Variants in FAM3D observed in about 807,000 individuals in gnomAD.
The protein encoded by FAM3D is FAM3 metabolism regulating signaling molecule D.
FAM3D carries 26 observed loss-of-function variants against 29.8 expected under a neutral mutation model. That is an observed-to-expected ratio of 0.87 (90% CI 0.64 to 1.21). FAM3D has a LOEUF of 1.21. Among genes scored for constraint, FAM3D ranks in the 50% most tolerant of loss-of-function variants. The probability of loss-of-function intolerance (pLI) is 0.00; values close to 1 mark genes in which losing one functional copy is unlikely to be tolerated. For synonymous variants in FAM3D, 115 were observed against 102.3 expected (o/e 1.12, Z -0.75); for missense variants, 253 against 290.9 (o/e 0.87, Z 0.95).
At chr3:58,664,412 C>A (rs1004496524) in intron 1 of FAM3D, among the ~76,000 whole-genome samples, 1 of 81,082 alleles carries the variant, frequency 1.2e-5, no homozygotes, top group East Asian at 7.2e-4. Flanking sequence ...GAGACAGTGT[C>A]TAATCATTTC....
chr3:58,647,408 G>A (rs961814542), intron 4 of FAM3D, among the ~76,000 whole-genome samples: 5 of 152,186 alleles, frequency 3.3e-5, no homozygotes, highest in African/African-American at 1.2e-4. Context: ...ATGCTGGGGA[G>A]GGAAGCCAGG....
intron 1 of FAM3D, among the ~76,000 whole-genome samples, chr3:58,659,828 G>A (rs1478135296): frequency 6.6e-6 from 1 of 152,048 alleles, no homozygotes; most frequent in Non-Finnish European, 1.5e-5. Context: ...ATTTTTCTCC[G>A]AAGTAGAAGT....
chr3:58,641,859 G>A (rs2066343149), intron 6 of FAM3D, among the ~76,000 whole-genome samples: 1 of 152,178 alleles, frequency 6.6e-6, no homozygotes, highest in African/African-American at 2.4e-5. Context: ...CCTAGTCTGG[G>A]GCCATCTCAT....
intron 1 of FAM3D, among the ~76,000 whole-genome samples, chr3:58,657,100 T>C (rs932545940): frequency 2.6e-5 from 4 of 152,136 alleles, no homozygotes; most frequent in African/African-American, 9.7e-5. Context: ...GCTTCTTTTT[T>C]CCAGATAAAA....
At chr3:58,652,975 T>C (rs2066688356) in intron 3 of FAM3D, among the ~76,000 whole-genome samples, 1 of 92,116 alleles carries the variant, frequency 1.1e-5, no homozygotes, top group Non-Finnish European at 2.6e-5. Context: ...CATCCATCCA[T>C]CCGTTTTTTT....
Position 58,634,222 on chromosome 3 carries a change from T to C in FAM3D, c.*57A>G. On this transcript the variant is annotated 3_prime_UTR_variant, in exon 10 of 10. Transcript: ENST00000358781. The surrounding 1 kb of genome is among the most constrained non-coding windows in gnomAD (Gnocchi z 4.6). ...TCCTCAGCCCCTGCCGGGCTCTGACTCCTAAGTCAGGCAGGAGCTTCTTCA... is the reference window on the plus strand; with the variant it reads ...TCCTCAGCCCCTGCCGGGCTCTGACCCCTAAGTCAGGCAGGAGCTTCTTCA... The C allele has an allele frequency of 6.4e-7, 1 of 1,551,268 alleles. No individual in the cohort carries two copies. Among genetic ancestry groups the C allele is most frequent in the Non-Finnish European group, 8.8e-7 (1 of 1,131,968 alleles).
intron 2 of FAM3D, among the ~76,000 whole-genome samples, chr3:58,654,800 G>A (rs2066744146): frequency 6.6e-6 from 1 of 152,170 alleles, no homozygotes; most frequent in South Asian, 2.1e-4. Flanking sequence ...ATGCAGGTCT[G>A]TGGGGATCCC....
chr3:58,639,420 C>A (rs2066265380), intron 7 of FAM3D, among the ~76,000 whole-genome samples: 1 of 152,230 alleles, frequency 6.6e-6, no homozygotes, highest in Admixed American at 6.5e-5. Context: ...TCTCTGACAC[C>A]GGAGACTGGA....
intron 1 of FAM3D, among the ~76,000 whole-genome samples, chr3:58,661,672 A>G (rs1324819009): frequency 6.6e-6 from 1 of 152,144 alleles, no homozygotes; most frequent in East Asian, 1.9e-4. Flanking sequence ...GGGAGCGTGG[A>G]CACAGTCCTC....
intron 1 of FAM3D, among the ~76,000 whole-genome samples, chr3:58,656,453 C>G (rs1306603407): frequency 1.3e-5 from 2 of 152,106 alleles, no homozygotes; most frequent in African/African-American, 4.8e-5. Context: ...GGGTTGAAAC[C>G]AAAGTTTTCT....
rs764521717 is a variant in FAM3D at position 58,637,124 on chromosome 3, TAG to T, written c.458+15_458+16del. On this transcript the variant is annotated intron_variant, in intron 8 of 9. Transcript: ENST00000358781. ...TTGCATCACTGTGTGGCCTGGCAGGTAGAGTTTTCTACTTACTTGGTCCCTGG... is the reference window on the plus strand; with the variant it reads ...TTGCATCACTGTGTGGCCTGGCAGGTAGTTTTCTACTTACTTGGTCCCTGG... 6.0e-5 allele frequency: 97 copies of T among 1,609,126 alleles called. No homozygotes were observed. Among genetic ancestry groups the T allele is most frequent in the African/African-American group, 1.3e-4 (10 of 74,770 alleles).
intron 3 of FAM3D, among the ~76,000 whole-genome samples, chr3:58,651,186 C>T (rs908151073): frequency 6.6e-6 from 1 of 152,166 alleles, no homozygotes; most frequent in Admixed American, 6.5e-5. Context: ...CTCCAACAGA[C>T]TGTGTTATTA....
intron 3 of FAM3D, among the ~76,000 whole-genome samples, chr3:58,650,158 G>A (rs1370378020): frequency 6.6e-6 from 1 of 152,196 alleles, no homozygotes; most frequent in African/African-American, 2.4e-5. Flanking sequence ...TGGAGGACAG[G>A]GCCTCCAGAG....
intron 6 of FAM3D, among the ~76,000 whole-genome samples, chr3:58,641,449 C>G (rs2066332232): frequency 6.6e-6 from 1 of 152,040 alleles, no homozygotes; most frequent in Admixed American, 6.5e-5. Context: ...CAACCTCGAC[C>G]TCCCAGGCTC....
In FAM3D at chr3:58,634,140, C is replaced by CG. The variant is rs1041523836; in HGVS notation, c.*138dup. 2.2e-5 allele frequency: 15 copies of CG among 685,228 alleles called. No individual in the cohort carries two copies. The highest frequency in any genetic ancestry group is 3.4e-5 in the Non-Finnish European group (14 of 407,268). 42.4% of individuals were successfully genotyped at this position (685,228 alleles called of 1,614,324 possible). ...GGGTTCTGTTTCCGAGGAGGAGAGG[C>CG]GCGACACAGCGTGCAAGGACCTGCA... On this transcript the variant is annotated 3_prime_UTR_variant, in exon 10 of 10. Coordinates refer to ENST00000358781, the MANE Select transcript of FAM3D (RefSeq NM_138805.3). The surrounding 1 kb of genome is among the most constrained non-coding windows in gnomAD (Gnocchi z 4.6).
At chr3:58,664,806 G>C (rs1216190268) in intron 1 of FAM3D, among the ~76,000 whole-genome samples, 2 of 152,220 alleles carry the variant, frequency 1.3e-5, no homozygotes, top group Non-Finnish European at 2.9e-5. Context: ...ACCAACTGTA[G>C]GAAATGTCTG....
intron 1 of FAM3D, among the ~76,000 whole-genome samples, chr3:58,656,725 A>G (rs17059602): frequency 0.16 from 24,025 of 152,134 alleles, 2,310 homozygotes; most frequent in African/African-American, 0.26. Flanking sequence ...CTAAAAATCC[A>G]TCTCAACAGA....
chr3:58,634,703 G>A lies in FAM3D; in HGVS notation c.586-335C>T, dbSNP rs996214068. On this transcript the variant is annotated intron_variant, in intron 9 of 9. Transcript: ENST00000358781. The surrounding 1 kb of genome is among the most constrained non-coding windows in gnomAD (Gnocchi z 4.6). ...AGAAGACTCCGACCATGTCTTGAGC[G>A]CTTGCTGTATGCCACGTGGTGTTCT... Among the ~76,000 whole-genome samples, 3 of 152,106 alleles carry A rather than the reference G, an allele frequency of 2.0e-5. No homozygotes were observed. Among genetic ancestry groups the A allele is most frequent in the African/African-American group, 4.8e-5 (2 of 41,414 alleles).
intron 2 of FAM3D, 95 bp downstream of exon 2, chr3:58,655,456 C>A (rs2066766481): frequency 1.3e-6 from 2 of 1,523,152 alleles, no homozygotes; most frequent in South Asian, 1.2e-5. Flanking sequence ...TCGGGCCTGA[C>A]CATTTGAGAA....
Sources: allele counts gnomAD v4.1 joint callset (sites outside exome capture counted in the v4.1 genomes callset), GRCh38; gene constraint gnomAD v4.1.1; non-coding constraint Gnocchi (gnomAD v3.1); transcripts MANE v1.5; gene names NCBI Gene and HGNC (gene_info 2026-07-23, HGNC 2026-07-21).